The following LETM1 variants were observed in gnomAD, a reference collection of about 807,000 sequenced individuals.
LETM1 encodes mitochondrial proton/calcium exchanger protein.
LETM1 carries 50 observed loss-of-function variants against 74.5 expected under a neutral mutation model. The ratio of observed to expected loss-of-function variants is 0.67; its 90% CI spans 0.53 to 0.85. The LOEUF (loss-of-function observed/expected upper bound fraction) is 0.85. Ranked by LOEUF, LETM1 falls within the 40% of genes least tolerant of loss-of-function variation. The pLI is 0.00. For missense variants in LETM1, 824 were observed against 967.8 expected (o/e 0.85, Z 1.97); for synonymous variants, 446 against 407.1 (o/e 1.10, Z -1.15).
At chr4:1,815,989 A>G (rs1711559438) in intron 12 of LETM1, among the ~76,000 whole-genome samples, 187 bp from the exon 13 acceptor site, 1 of 152,262 alleles carries the variant, frequency 6.6e-6, no homozygotes, top group Admixed American at 6.5e-5. Context: ...TCCCAGGGCC[A>G]GCGTGGACAC....
chr4:1,820,753 G>T (rs1451554152), intron 10 of LETM1, among the ~76,000 whole-genome samples: 1 of 152,222 alleles, frequency 6.6e-6, no homozygotes, highest in African/African-American at 2.4e-5. Context: ...GCCAGGCACA[G>T]TGGCTCAAGC....
At position 1,841,333 on chromosome 4, in the gene LETM1, C is replaced by A; in HGVS notation, c.594+14G>T. The A allele has an allele frequency of 6.2e-7, 1 of 1,608,474 alleles. No individual in the cohort carries two copies. Among genetic ancestry groups the A allele is most frequent in the Non-Finnish European group, 8.5e-7 (1 of 1,175,874 alleles). On this transcript the variant is annotated intron_variant, in intron 3 of 13. Coordinates refer to ENST00000302787, the MANE Select transcript of LETM1 (RefSeq NM_012318.3). The stretch of plus-strand genomic sequence containing the variant: ...GCAAGAAAGAAAAGAAAGGACTAGA[C>A]ATGTCCCCATTACCTGCCTGCGCTC...
At position 1,816,787 on chromosome 4, in the gene LETM1, G is replaced by A. The variant is rs1197164649; in HGVS notation, c.1871C>T (p.Ser624Leu). Residue 624 changes from serine (S) to leucine (L), a missense_variant, in exon 12 of 14, where the codon TCG becomes TTG. By Grantham distance (145) the Ser-to-Leu change is moderately radical. Around this residue, in one of 4 missense-constraint regions of LETM1, gnomAD observed 161 missense variants for 252.7 expected, o/e 0.64. Transcript: ENST00000302787. The part of the protein sequence containing the change: ...QMIGQIDGLI[S>L]QLEMDQQAGK... ...AGCCTGCTGGTCCATCTCCAGCTGC[G>A]AGATCAAGCCATCGATCTGCCCGAT... 2 of 1,614,218 alleles carry A rather than the reference G, an allele frequency of 1.2e-6. No homozygotes were observed. Among genetic ancestry groups the A allele is most frequent in the Non-Finnish European group, 1.7e-6 (2 of 1,180,022 alleles).
intron 2 of LETM1, chr4:1,846,476 AG>A (rs1712886833): frequency 6.6e-6 from 1 of 152,188 alleles, no homozygotes; most frequent in African/African-American, 2.4e-5. Flanking sequence ...CATGTTGGCT[AG>A]GCTGGTCTTG....
chr4:1,855,985 G>A lies in LETM1; in HGVS notation c.-35C>T. 3 of 1,172,262 alleles carry A rather than the reference G, an allele frequency of 2.6e-6. No homozygotes were observed. Among genetic ancestry groups the A allele is most frequent in the Non-Finnish European group, 3.2e-6 (3 of 941,678 alleles). The allele number at this position is 1,172,262 out of a possible 1,614,324, so 72.6% of individuals were successfully genotyped here. A position where few individuals can be genotyped will look rare whatever the true frequency, so the allele number is the denominator to read the frequency against. On this transcript the variant is annotated 5_prime_UTR_variant, in exon 1 of 14. Transcript: ENST00000302787. ...CGCGGCGGCCGCTCCGGCCTCCTGC[G>A]CTGCCTCCTTCTCCGCGGCGGCCGC...
intron 13 of LETM1, 41 bp downstream of exon 13, chr4:1,815,623 G>A: frequency 6.2e-7 from 1 of 1,609,660 alleles, no homozygotes; most frequent in Non-Finnish European, 8.5e-7. Context: ...CCACTCCAGA[G>A]CAGGTGGCGG....
At position 1,841,557 on chromosome 4, in the gene LETM1, C is replaced by T. The variant is rs1439973940; in HGVS notation, c.384G>A (p.Lys128=). Residue 128 remains lysine, a synonymous_variant, in exon 3 of 14, where the codon AAG becomes AAA. Transcript: ENST00000302787. ...CTTCCTCCAGCTTCTTGTTCTTGTC[C>T]TTCAAGGACTTGAGGGACTTCTCTA... ...SVVEKSLKSL[K]DKNKKLEEGG... The T allele has an allele frequency of 6.2e-7, 1 of 1,614,240 alleles. No individual in the cohort carries two copies. The highest frequency in any genetic ancestry group is 1.1e-5 in the South Asian group (1 of 91,088).
intron 11 of LETM1, among the ~76,000 whole-genome samples, chr4:1,817,421 C>T (rs912414761): frequency 1.5e-4 from 22 of 151,456 alleles, no homozygotes; most frequent in Admixed American, 1.3e-3. Context: ...ATTAGCCAGG[C>T]GTGGTGGTGC....
At chr4:1,825,495 A>G in intron 7 of LETM1, 69 bp downstream of exon 7, 1 of 1,560,626 alleles carries the variant, frequency 6.4e-7, no homozygotes, top group Non-Finnish European at 8.7e-7. Flanking sequence ...AGAGCCTCCG[A>G]GTGGCCTTTC....
chr4:1,828,357 G>A (rs1712095490), intron 6 of LETM1, among the ~76,000 whole-genome samples: 1 of 124,020 alleles, frequency 8.1e-6, no homozygotes, highest in Non-Finnish European at 1.7e-5. Flanking sequence ...CCCGGACGGG[G>A]CGGCTGGCCG....
At chr4:1,846,896 A>C (rs192815606) in intron 2 of LETM1, among the ~76,000 whole-genome samples, 1 of 152,374 alleles carries the variant, frequency 6.6e-6, no homozygotes, top group Non-Finnish European at 1.5e-5. Flanking sequence ...AACAAATAAC[A>C]GGAAAGGGGC....
In LETM1 at chr4:1,834,323, AG is replaced by A; in HGVS notation, c.876+521del. On this transcript the variant is annotated intron_variant, in intron 5 of 13. Transcript: ENST00000302787. This position sits in a 1 kb window ranked among gnomAD's most constrained non-coding sequence, Gnocchi z 5.0. Reference sequence around the variant, plus strand: ...GCCTCGTGAACCCCATCTAGTCCTCAGGGATCTCGGTCCGTGGCAGCTGCCG... The same window carrying A: ...GCCTCGTGAACCCCATCTAGTCCTCAGGATCTCGGTCCGTGGCAGCTGCCG... The A allele has an allele frequency of 1.1e-6, 1 of 925,562 alleles. No homozygotes were observed. The highest frequency in any genetic ancestry group is 5.0e-5 in the South Asian group (1 of 20,186). The allele number at this position is 925,562 out of a possible 1,614,324, so 57.3% of individuals were successfully genotyped here.
chr4:1,847,648 T>A (rs1712928800), intron 2 of LETM1, among the ~76,000 whole-genome samples: 1 of 151,900 alleles, frequency 6.6e-6, no homozygotes, highest in Non-Finnish European at 1.5e-5. Flanking sequence ...GGTGAAAATT[T>A]TGTACTTTTG....
At chr4:1,847,717 G>C (rs937253413) in intron 2 of LETM1, among the ~76,000 whole-genome samples, 19 of 151,574 alleles carry the variant, frequency 1.3e-4, no homozygotes, top group African/African-American at 4.4e-4. Flanking sequence ...CCAGCTACTA[G>C]GGAGGCTGAG....
Position 1,849,151 on chromosome 4 carries a change from G to T in LETM1, c.141C>A (p.Cys47Ter), listed in dbSNP as rs776222778. ...SCASTLGLRN[C>*]LNVPFGCCTP... ...CAGAGTGATACTGATTTACTCACAG[G>T]CAGTTCCTCAACCCCAGGGTGCTGG... Residue 47 changes from cysteine (C) to a stop codon, truncating the protein, a stop_gained and splice_region_variant, in exon 2 of 14, where the codon TGC becomes TGA. Transcript: ENST00000302787. LOFTEE classifies it high-confidence loss of function. 2.5e-6 allele frequency: 4 copies of T among 1,609,364 alleles called. No individual in the cohort carries two copies. The highest frequency in any genetic ancestry group is 1.3e-5 in the African/African-American group (1 of 74,834).
rs761082505 is a variant in LETM1 at position 1,849,191 on chromosome 4, G to A, written c.101C>T (p.Ala34Val). The A allele has an allele frequency of 5.6e-6, 9 of 1,612,838 alleles. No individual in the cohort carries two copies. Among genetic ancestry groups the A allele is most frequent in the Non-Finnish European group, 6.8e-6 (8 of 1,178,896 alleles). The change falls in exon 2 of 14, where the codon GCT becomes GTT. Residue 34 changes from alanine (A) to valine (V), a missense_variant. Physicochemically the swap from Ala to Val is moderately conservative, Grantham distance 64. Transcript: ENST00000302787. ...CAGGGTGCTGGCACAGCTGAGATGA[G>A]CAGGATCCCCTGGACTACCTGTAAC... ...TVPRGSPGDPAHLSCASTLGL... is the reference protein window; with the variant it reads ...TVPRGSPGDPVHLSCASTLGL...
chr4:1,849,596 G>C (rs1244061661), intron 1 of LETM1, among the ~76,000 whole-genome samples: 1 of 152,094 alleles, frequency 6.6e-6, no homozygotes, highest in Non-Finnish European at 1.5e-5. Context: ...ATTTGACTTT[G>C]CCCAGGCTGG....
At position 1,834,215 on chromosome 4, in the gene LETM1, G is replaced by A. The variant is rs114706968; in HGVS notation, c.876+630C>T. ...CGCACACGCATGGCTGGAGTTTCTA[G>A]GCCCTGGTTTAAGCTCTTCCTGCAC... On this transcript the variant is annotated intron_variant, in intron 5 of 13. Coordinates refer to ENST00000302787, the MANE Select transcript of LETM1 (RefSeq NM_012318.3). The surrounding 1 kb of genome is among the most constrained non-coding windows in gnomAD (Gnocchi z 5.0). 1.9e-3 allele frequency: 342 copies of A among 184,262 alleles called. No individual in the cohort carries two copies. Among genetic ancestry groups the A allele is most frequent in the African/African-American group, 7.6e-3 (321 of 42,196 alleles). The allele number at this position is 184,262 out of a possible 1,614,324, so 11.4% of individuals were successfully genotyped here. A position where few individuals can be genotyped will look rare whatever the true frequency, so the allele number is the denominator to read the frequency against.
rs112919287 is a variant in LETM1 at position 1,815,739 on chromosome 4, T to G, written c.1995A>C (p.Glu665Asp). The change falls in exon 13 of 14, where the codon GAA becomes GAC. Residue 665 changes from glutamate to aspartate, a missense_variant. By Grantham distance (45) the Glu-to-Asp change is conservative. This residue lies in a region of LETM1 where 161 missense variants were observed against 252.7 expected (regional missense o/e 0.64). Transcript: ENST00000302787. The stretch of plus-strand genomic sequence containing the variant: ...CTGCGGCCAGGCTGGTGAGCTTGCT[T>G]TCGGGAATGTGCTTGACTTGCTTCA... ...NAMKQVKHIP[E>D]SKLTSLAAAL... 8.1e-4 allele frequency: 1,313 copies of G among 1,614,198 alleles called. 12 individuals are homozygous for G. The African/African-American group carries it at 0.016, about 19-fold the overall frequency.
Sources: allele counts gnomAD v4.1 joint callset (sites outside exome capture counted in the v4.1 genomes callset), GRCh38; gene constraint gnomAD v4.1.1; regional missense constraint gnomAD v4.1.1; non-coding constraint Gnocchi (gnomAD v3.1); transcripts MANE v1.5; gene names NCBI Gene and HGNC (gene_info 2026-07-23, HGNC 2026-07-21).